SMIM29: variants seen among roughly 807,000 people sequenced by gnomAD.
The protein encoded by SMIM29 is small integral membrane protein 29.
Under a neutral mutation model 12.9 loss-of-function variants are expected in SMIM29, and 4 were observed. The observed-to-expected ratio is 0.31, with a 90% confidence interval of 0.15 to 0.71. The LOEUF is 0.71. Ranked by LOEUF, SMIM29 falls within the 30% of genes least tolerant of loss-of-function variation. The probability of loss-of-function intolerance (pLI) is 0.70; values close to 1 mark genes in which losing one functional copy is unlikely to be tolerated. For missense variants in SMIM29, 122 were observed against 138.1 expected, an observed-to-expected ratio of 0.88 and a Z score of 0.58; for synonymous variants, 50 against 52.0, an observed-to-expected ratio of 0.96 and a Z score of 0.17.
Position 34,246,839 on chromosome 6 carries a change from C to T in SMIM29, c.273G>A (p.Gln91=), listed in dbSNP as rs935620773. 3.1e-6 allele frequency: 5 copies of T among 1,610,454 alleles called. No homozygotes were observed. The highest frequency in any genetic ancestry group is 2.5e-6 in the Non-Finnish European group (3 of 1,178,426). ...KVVHGWQSGY[Q]HKRMPLLDVK... is the part of the protein sequence containing the mutation. ...CATCCAGCAGTGGCATCCGCTTGTG[C>T]TGGTAGCCACTCTGCCAGCCATGTA... is the stretch of plus-strand genomic sequence containing the variant. The change falls in exon 5 of 5, where the codon CAG becomes CAA. Residue 91 remains glutamine, a synonymous_variant. Coordinates refer to ENST00000476320, the MANE Select transcript of SMIM29 (RefSeq NM_001008703.4).
rs141610597 is a variant in SMIM29 at position 34,246,748 on chromosome 6, G to A, written c.*55C>T. 6.5e-3 allele frequency: 10,428 copies of A among 1,613,620 alleles called. 42 individuals are homozygous for A. The highest frequency in any genetic ancestry group is 7.6e-3 in the Non-Finnish European group (8,937 of 1,179,984). On this transcript the variant is annotated 3_prime_UTR_variant, in exon 5 of 5. Coordinates refer to ENST00000476320, the MANE Select transcript of SMIM29 (RefSeq NM_001008703.4). ...GTGACAGCAGGGGAAGCAGATGGCA[G>A]GGCCCCAGGCAGTCCAGGACCCCAG... is the stretch of plus-strand genomic sequence containing the variant.
chr6:34,247,295 G>A, intron 3 of SMIM29, 146 bp from the exon 4 acceptor site: 1 of 1,547,212 alleles, frequency 6.5e-7, no homozygotes, highest in East Asian at 2.4e-5. Flanking sequence ...ATACAACCCT[G>A]ATTCTACAAA....
At chr6:34,247,632 C>T (rs1226270916) in intron 2 of SMIM29, 49 bp downstream of exon 2, 10 of 1,441,214 alleles carry the variant, frequency 6.9e-6, no homozygotes, top group Non-Finnish European at 9.1e-6. Flanking sequence ...CACCCAGCCC[C>T]TGCCTTAGCA....
chr6:34,247,646 C>A, intron 2 of SMIM29, 35 bp downstream of exon 2: 1 of 1,436,388 alleles, frequency 7.0e-7, no homozygotes, highest in Non-Finnish European at 9.1e-7. Flanking sequence ...CTTAGCAAAG[C>A]TGTGGGTGTC....
rs1762761800 is a variant in SMIM29, at chr6:34,246,505, C to T, written c.*298G>A. On this transcript the variant is annotated 3_prime_UTR_variant, in exon 5 of 5. Transcript: ENST00000476320. Reference sequence around the variant, plus strand: ...CTGGGGATTTGTGCCCAAGCCCAGCCCAGGAGGGCTAGAGAAAGCAAAGGT... The same window carrying T: ...CTGGGGATTTGTGCCCAAGCCCAGCTCAGGAGGGCTAGAGAAAGCAAAGGT... The T allele has an allele frequency of 6.5e-7, 1 of 1,534,560 alleles. No homozygotes were observed. Among genetic ancestry groups the T allele is most frequent in the Non-Finnish European group, 8.8e-7 (1 of 1,140,702 alleles).
Position 34,247,154 on chromosome 6 carries a change from G to A in SMIM29, c.138-5C>T. On this transcript the variant is annotated splice_polypyrimidine_tract_variant and splice_region_variant and intron_variant, in intron 3 of 4. Coordinates refer to ENST00000476320, the MANE Select transcript of SMIM29 (RefSeq NM_001008703.4). ...TGATGGCGCAGCCGGTCCACCCTGGGGAGCAGGGGAGGGGACTCAGCTAGG... is the reference window on the plus strand; with the variant it reads ...TGATGGCGCAGCCGGTCCACCCTGGAGAGCAGGGGAGGGGACTCAGCTAGG... 6.2e-7 allele frequency: 1 copy of A among 1,613,978 alleles called. No homozygotes were observed. Among genetic ancestry groups the A allele is most frequent in the Admixed American group, 1.7e-5 (1 of 60,022 alleles).
chr6:34,247,181 G>C, intron 3 of SMIM29, 32 bp from the exon 4 acceptor site: 1 of 1,610,054 alleles, frequency 6.2e-7, no homozygotes, highest in Non-Finnish European at 8.5e-7. Context: ...TCAGCTAGGA[G>C]GTCCCCCCAA....
Position 34,247,046 on chromosome 6 carries a change from T to C in SMIM29, c.241A>G (p.Lys81Glu). Residue 81 changes from lysine to glutamate, a missense_variant and splice_region_variant, in exon 4 of 5, where the codon AAG becomes GAG. Physicochemically the swap from Lys to Glu is moderately conservative, Grantham distance 56. Transcript: ENST00000476320. ...CCCCCTGGCCCCCAAGTGCTCACCT[T>C]GGGGTCTCCCATGTCAGAGAGCAGC... is the stretch of plus-strand genomic sequence containing the variant. ...QELLSDMGDP[K>E]VVHGWQSGYQ... The C allele has an allele frequency of 6.2e-7, 1 of 1,614,074 alleles. No individual in the cohort carries two copies.
At chr6:34,247,183 T>C (rs1481216329) in intron 3 of SMIM29, 34 bp from the exon 4 acceptor site, 34 of 1,607,788 alleles carry the variant, frequency 2.1e-5, no homozygotes, top group Non-Finnish European at 2.7e-5. Flanking sequence ...AGCTAGGAGG[T>C]CCCCCCAACC....
intron 1 of SMIM29, chr6:34,248,307 G>A (rs1762888629): frequency 1.0e-6 from 1 of 985,298 alleles, no homozygotes; most frequent in African/African-American, 1.7e-5. Flanking sequence ...GCATCTGAAG[G>A]AGCCCGCTTC....
rs767619941 is a variant in SMIM29, at chr6:34,246,491, T to C, written c.*312A>G. 3.4e-5 allele frequency: 51 copies of C among 1,519,678 alleles called. No homozygotes were observed. The highest frequency in any genetic ancestry group is 4.3e-5 in the Non-Finnish European group (49 of 1,135,262). 94.1% of individuals were successfully genotyped at this position (1,519,678 alleles called of 1,614,324 possible). A position where few individuals can be genotyped will look rare whatever the true frequency, so the allele number is the denominator to read the frequency against. ...ACTCCAAAGCCTGCCTGGGGATTTG[T>C]GCCCAAGCCCAGCCCAGGAGGGCTA... On this transcript the variant is annotated 3_prime_UTR_variant, in exon 5 of 5. Transcript: ENST00000476320.
Position 34,246,490 on chromosome 6 carries a change from G to C in SMIM29, c.*313C>G. On this transcript the variant is annotated 3_prime_UTR_variant, in exon 5 of 5. Coordinates refer to ENST00000476320, the MANE Select transcript of SMIM29 (RefSeq NM_001008703.4). ...AACTCCAAAGCCTGCCTGGGGATTT[G>C]TGCCCAAGCCCAGCCCAGGAGGGCT... The C allele has an allele frequency of 6.6e-7, 1 of 1,519,630 alleles. No individual in the cohort carries two copies. The highest frequency in any genetic ancestry group is 1.3e-5 in the South Asian group (1 of 75,558). The allele number at this position is 1,519,630 out of a possible 1,614,324, so 94.1% of individuals were successfully genotyped here.
intron 1 of SMIM29, 147 bp from the exon 2 acceptor site, chr6:34,248,011 C>T: frequency 8.2e-7 from 1 of 1,223,430 alleles, no homozygotes; most frequent in African/African-American, 1.6e-5. Flanking sequence ...TGGGTGTGAC[C>T]CTCCAGTGAG....
intron 1 of SMIM29, 193 bp downstream of exon 1, chr6:34,248,786 G>T (rs1011123764): frequency 2.0e-6 from 2 of 985,686 alleles, no homozygotes; most frequent in Non-Finnish European, 2.4e-6. Context: ...AGGGCGTCAG[G>T]CCGCTGCTAG....
intron 1 of SMIM29, chr6:34,248,318 C>T: frequency 5.1e-6 from 5 of 985,442 alleles, no homozygotes; most frequent in Non-Finnish European, 6.0e-6. Context: ...AGCCCGCTTC[C>T]ATCCTGGTCC....
intron 1 of SMIM29, chr6:34,248,416 C>T (rs1367667398): frequency 1.0e-6 from 1 of 985,204 alleles, no homozygotes; most frequent in Non-Finnish European, 1.2e-6. Context: ...AACACCCTCT[C>T]CCCCATCTGT....
At position 34,248,967 on chromosome 6, in the gene SMIM29, G is replaced by T; in HGVS notation, c.-74+12C>A. ...GGCGCTCTGCAGCCCAGCCGGCCTG[G>T]CCATGCCTTACCTCCCGCCGCTGCA... On this transcript the variant is annotated intron_variant, in intron 1 of 4. Transcript: ENST00000476320. The T allele has an allele frequency of 1.0e-6, 1 of 985,544 alleles. No homozygotes were observed. The allele number at this position is 985,544 out of a possible 1,614,324, so 61.0% of individuals were successfully genotyped here.
chr6:34,248,060 G>T, intron 1 of SMIM29, 196 bp from the exon 2 acceptor site: 1 of 985,362 alleles, frequency 1.0e-6, no homozygotes, highest in Non-Finnish European at 1.2e-6. Context: ...TCAAGGGAAG[G>T]CCTGGATCCA....
intron 1 of SMIM29, 72 bp downstream of exon 1, chr6:34,248,907 C>T: frequency 4.1e-6 from 4 of 985,696 alleles, no homozygotes; most frequent in Non-Finnish European, 4.8e-6. Context: ...CCCGAACATC[C>T]TGGAAGCCCG....
Sources: gnomAD v4.1 joint callset for allele counts on GRCh38, gnomAD v4.1.1 for gene constraint, MANE v1.5 for transcripts, NCBI Gene and HGNC (gene_info 2026-07-23, HGNC 2026-07-21) for gene names.